Variants in CAMK2G observed in about 807,000 individuals in gnomAD.
The protein encoded by CAMK2G is calcium/calmodulin dependent protein kinase II gamma.
A neutral mutation model predicts 88.7 loss-of-function variants in CAMK2G; 23 were observed. That is an observed-to-expected ratio of 0.26 (90% CI 0.19 to 0.37). The LOEUF (loss-of-function observed/expected upper bound fraction) is 0.37, where lower values mean the gene tolerates loss of function less well. Among genes scored for constraint, CAMK2G ranks in the 10% least tolerant of loss-of-function variants. The pLI, the probability that CAMK2G is intolerant of heterozygous loss-of-function variation, is 1.00. For missense variants in CAMK2G, 476 were observed against 780.8 expected, an observed-to-expected ratio of 0.61 and a Z score of 4.65; for synonymous variants, 263 against 294.8, an observed-to-expected ratio of 0.89 and a Z score of 1.11.
intron 21 of CAMK2G, chr10:73,816,234 C>A: frequency 1.0e-6 from 1 of 988,478 alleles, no homozygotes; most frequent in Non-Finnish European, 1.2e-6. Context: ...ACCCCACCCC[C>A]TATACAAGAC....
At chr10:73,840,814 G>A (rs527660290) in intron 12 of CAMK2G, among the ~76,000 whole-genome samples, 14 of 152,330 alleles carry the variant, frequency 9.2e-5, no homozygotes, top group Non-Finnish European at 1.6e-4. Flanking sequence ...GGGCAACACC[G>A]AAACGCCCTT....
chr10:73,817,353 G>A, intron 20 of CAMK2G, 126 bp downstream of exon 20: 1 of 821,286 alleles, frequency 1.2e-6, no homozygotes, highest in South Asian at 1.6e-5. Context: ...GTTTAGGAGA[G>A]GGCTTAACTC....
intron 14 of CAMK2G, among the ~76,000 whole-genome samples, chr10:73,828,509 A>G (rs1413648927): frequency 1.3e-5 from 2 of 152,206 alleles, no homozygotes; most frequent in Admixed American, 1.3e-4. Flanking sequence ...ATTTTCTCTC[A>G]TTACTAGAAC....
At chr10:73,857,332 C>T (rs938288782) in intron 3 of CAMK2G, among the ~76,000 whole-genome samples, 3 of 152,112 alleles carry the variant, frequency 2.0e-5, no homozygotes, top group Non-Finnish European at 4.4e-5. Flanking sequence ...ATAACAACTC[C>T]ACGAAGGGAC....
chr10:73,848,976 C>T lies in CAMK2G; in HGVS notation c.517+37G>A, dbSNP rs765421540. On this transcript the variant is annotated intron_variant, in intron 7 of 22. Coordinates refer to ENST00000423381, the MANE Select transcript of CAMK2G (RefSeq NM_001367534.1). This position sits in a 1 kb window ranked among gnomAD's most constrained non-coding sequence, Gnocchi z 4.5. ...GGCAGATCAGGAAGAGGAGGAAGGG[C>T]GGGGGCTGCATTCCGGGAAGACAGG... is the stretch of plus-strand genomic sequence containing the variant. The T allele has an allele frequency of 1.9e-5, 24 of 1,267,592 alleles. No individual in the cohort carries two copies. The highest frequency in any genetic ancestry group is 4.6e-5 in the East Asian group (2 of 43,318). 78.5% of individuals were successfully genotyped at this position (1,267,592 alleles called of 1,614,324 possible). A position where few individuals can be genotyped will look rare whatever the true frequency, so the allele number is the denominator to read the frequency against.
chr10:73,870,799 A>C (rs1463376693), intron 2 of CAMK2G, among the ~76,000 whole-genome samples: 1 of 152,196 alleles, frequency 6.6e-6, no homozygotes, highest in Non-Finnish European at 1.5e-5. Context: ...GTGTAAACTG[A>C]GAGTCTGCAG....
intron 10 of CAMK2G, 122 bp downstream of exon 10, chr10:73,847,103 C>T (rs2094304281): frequency 2.0e-6 from 2 of 1,018,836 alleles, no homozygotes; most frequent in Non-Finnish European, 3.0e-6. Flanking sequence ...CCTCTGCCCG[C>T]CTGCTCAGTT....
chr10:73,842,031 CA>C lies in CAMK2G; in HGVS notation c.946+137del, dbSNP rs778234597. The C allele has an allele frequency of 1.4e-4, 104 of 736,042 alleles. No homozygotes were observed. The highest frequency in any genetic ancestry group is 4.6e-5 in the South Asian group (3 of 65,576). The allele number at this position is 736,042 out of a possible 1,614,324, so 45.6% of individuals were successfully genotyped here. A position where few individuals can be genotyped will look rare whatever the true frequency, so the allele number is the denominator to read the frequency against. On this transcript the variant is annotated intron_variant, in intron 12 of 22. Transcript: ENST00000423381. The surrounding 1 kb of genome is among the most constrained non-coding windows in gnomAD (Gnocchi z 4.6). ...GGACTCAGCAGCAGCAGCAGCCCCTCAAAACAGGATCCTCACTCGCCCTGGT... is the reference window on the plus strand; with the variant it reads ...GGACTCAGCAGCAGCAGCAGCCCCTCAAACAGGATCCTCACTCGCCCTGGT...
intron 15 of CAMK2G, among the ~76,000 whole-genome samples, chr10:73,826,113 C>G (rs930560352): frequency 1.1e-4 from 17 of 152,178 alleles, no homozygotes; most frequent in African/African-American, 3.4e-4. Context: ...CCATGACCAC[C>G]AGGGATATCT....
At chr10:73,833,108 G>A (rs927443439) in intron 14 of CAMK2G, among the ~76,000 whole-genome samples, 7 of 150,306 alleles carry the variant, frequency 4.7e-5, no homozygotes, top group African/African-American at 1.2e-4. Context: ...CTACAGGCAC[G>A]TTCCACCACA....
At position 73,823,972 on chromosome 10, in the gene CAMK2G, C is replaced by T. The variant is rs899280081; in HGVS notation, c.1200+68G>A. ...TGGCCTCAGGGTGCAGCCTGTAGAC[C>T]CCTGGGACCCAGCCCACCTGTCTCC... is the stretch of plus-strand genomic sequence containing the variant. On this transcript the variant is annotated intron_variant, in intron 17 of 22. Transcript: ENST00000423381. 11 of 1,271,486 alleles carry T rather than the reference C, an allele frequency of 8.7e-6. No homozygotes were observed. In the African/African-American group the frequency reaches 1.5e-4, roughly 17 times the overall value. 78.8% of individuals were successfully genotyped at this position (1,271,486 alleles called of 1,614,324 possible).
chr10:73,858,627 G>A (rs945798497), intron 3 of CAMK2G, among the ~76,000 whole-genome samples: 10 of 152,142 alleles, frequency 6.6e-5, no homozygotes, highest in African/African-American at 2.4e-4. Flanking sequence ...ACAGTTCTAG[G>A]AAATCAGAGG....
chr10:73,847,975 C>G lies in CAMK2G; in HGVS notation c.696+13G>C. The G allele has an allele frequency of 6.4e-7, 1 of 1,559,128 alleles. No homozygotes were observed. Among genetic ancestry groups the G allele is most frequent in the Non-Finnish European group, 8.8e-7 (1 of 1,130,516 alleles). ...CCCTTCCTGGCCTGGCTGCCCGGCT[C>G]TCTGGTCCTTACATCATAGGCTCCA... On this transcript the variant is annotated intron_variant, in intron 9 of 22. Coordinates refer to ENST00000423381, the MANE Select transcript of CAMK2G (RefSeq NM_001367534.1).
intron 2 of CAMK2G, among the ~76,000 whole-genome samples, chr10:73,869,277 C>T (rs541032869): frequency 6.6e-6 from 1 of 152,320 alleles, no homozygotes; most frequent in South Asian, 2.1e-4. Flanking sequence ...GATCCTTACG[C>T]ACACTAAAAT....
rs2091546138 is a variant in CAMK2G, at chr10:73,828,078, G to C, written c.1086+11C>G. ...CATGGAGTGGGCGATGGGTGGGCAG[G>C]CAAGGCTCACCATTAGGTGCACGCT... On this transcript the variant is annotated intron_variant, in intron 15 of 22. Transcript: ENST00000423381. The C allele has an allele frequency of 6.2e-7, 1 of 1,611,118 alleles. No homozygotes were observed. Among genetic ancestry groups the C allele is most frequent in the Non-Finnish European group, 8.5e-7 (1 of 1,177,368 alleles).
At chr10:73,853,964 A>G (rs1458279995) in intron 3 of CAMK2G, among the ~76,000 whole-genome samples, 2 of 152,122 alleles carry the variant, frequency 1.3e-5, no homozygotes, top group African/African-American at 2.4e-5. Flanking sequence ...CCTTTCGACC[A>G]CCTGAGATGA....
chr10:73,862,600 T>A (rs571605966), intron 2 of CAMK2G, among the ~76,000 whole-genome samples: 2 of 152,128 alleles, frequency 1.3e-5, no homozygotes, highest in Admixed American at 6.6e-5. Flanking sequence ...AGGAAACAGG[T>A]TTAAAAAGAT....
chr10:73,828,204 C>T (rs2091604440), intron 14 of CAMK2G, 83 bp from the exon 15 acceptor site: 2 of 1,120,408 alleles, frequency 1.8e-6, no homozygotes, highest in Non-Finnish European at 2.7e-6. Context: ...GGTTAGCGCA[C>T]CAGTGTGGGC....
At chr10:73,822,998 A>G (rs2089559262) in intron 17 of CAMK2G, among the ~76,000 whole-genome samples, 1 of 151,800 alleles carries the variant, frequency 6.6e-6, no homozygotes, top group Non-Finnish European at 1.5e-5. Context: ...GGTAGCTGGG[A>G]TTACAGGCAT....
Sources: gnomAD v4.1 joint callset for allele counts (sites outside exome capture counted in the v4.1 genomes callset) on GRCh38, gnomAD v4.1.1 for gene constraint, Gnocchi (gnomAD v3.1) non-coding constraint, MANE v1.5 for transcripts, NCBI Gene and HGNC (gene_info 2026-07-23, HGNC 2026-07-21) for gene names.